Variants in HMG20A observed in about 807,000 individuals in gnomAD.
HMG20A encodes high mobility group protein 20A.
HMG20A carries 17 observed loss-of-function variants against 43.9 expected under a neutral mutation model. That is an observed-to-expected ratio of 0.39 (90% CI 0.27 to 0.58). The LOEUF (loss-of-function observed/expected upper bound fraction) is 0.58, where lower values mean the gene tolerates loss of function less well. HMG20A is among the 20% of genes least tolerant of loss of function. The pLI is 0.59. For missense variants in HMG20A, 341 were observed against 438.2 expected, an observed-to-expected ratio of 0.78 and a Z score of 1.98; for synonymous variants, 132 against 147.5, an observed-to-expected ratio of 0.89 and a Z score of 0.76.
At chr15:77,489,560 A>T (rs544118539), downstream of HMG20A, among the ~76,000 whole-genome samples, 6 of 152,250 alleles carry the variant, frequency 3.9e-5, no homozygotes, top group Non-Finnish European at 7.3e-5. Context: ...TAGTCCCCAT[A>T]GAGCTCTTCC....
At chr15:77,498,501 G>A in the HMG20A span, among the ~76,000 whole-genome samples, 1 of 152,260 alleles carries the variant, frequency 6.6e-6, no homozygotes, top group East Asian at 1.9e-4. Context: ...CACCCCAGTG[G>A]GCTGCAGTCC....
chr15:77,435,707 A>G (rs1043095603), intron 1 of HMG20A, among the ~76,000 whole-genome samples: 14 of 152,008 alleles, frequency 9.2e-5, no homozygotes, highest in African/African-American at 3.4e-4. Flanking sequence ...GTATGCTTCT[A>G]CCCCACCATT....
intron 1 of HMG20A, among the ~76,000 whole-genome samples, chr15:77,451,082 C>T (rs964484705): frequency 1.3e-5 from 2 of 152,196 alleles, no homozygotes; most frequent in African/African-American, 4.8e-5. Context: ...CCATGTCTTT[C>T]CATGGCTTCA....
At chr15:77,478,828 G>T (rs1349424429) in intron 8 of HMG20A, among the ~76,000 whole-genome samples, 1 of 152,124 alleles carries the variant, frequency 6.6e-6, no homozygotes, top group Admixed American at 6.5e-5. Context: ...TCTTATGTAT[G>T]TTTGTTTGCT....
chr15:77,465,413 T>TTTTG, intron 3 of HMG20A, among the ~76,000 whole-genome samples: 1 of 151,064 alleles, frequency 6.6e-6, no homozygotes, highest in East Asian at 1.9e-4. Context: ...TTTTTTTTTT[T>TTTTG]GAGGTGGAGT....
chr15:77,449,991 C>T (rs1432183531), intron 1 of HMG20A, among the ~76,000 whole-genome samples: 1 of 152,168 alleles, frequency 6.6e-6, no homozygotes, highest in East Asian at 1.9e-4. Context: ...TTTACTGTCT[C>T]CATACTTTTG....
chr15:77,429,715 T>C (rs916171514), intron 1 of HMG20A, among the ~76,000 whole-genome samples: 1 of 152,208 alleles, frequency 6.6e-6, no homozygotes, highest in African/African-American at 2.4e-5. Context: ...TATTCAACAA[T>C]ATAATAATGC....
At chr15:77,445,491 A>G (rs1406814561) in intron 1 of HMG20A, among the ~76,000 whole-genome samples, 1 of 152,230 alleles carries the variant, frequency 6.6e-6, no homozygotes, top group Non-Finnish European at 1.5e-5. Flanking sequence ...TCCTATACAT[A>G]TGGTACACAT....
chr15:77,471,548 C>T (rs2072808556), intron 5 of HMG20A, among the ~76,000 whole-genome samples: 1 of 152,180 alleles, frequency 6.6e-6, no homozygotes, highest in South Asian at 2.1e-4. Context: ...CCTTTTCTCC[C>T]TAAAGTTAAG....
rs191992333 is a variant in HMG20A, at chr15:77,436,801, A to G, written c.-5+15797A>G. 7.2e-4 allele frequency among the ~76,000 whole-genome samples: 109 copies of G among 152,290 alleles called. 1 individual carries two copies. Among genetic ancestry groups the G allele is most frequent in the Admixed American group, 1.7e-3 (26 of 15,296 alleles). On this transcript the variant is annotated intron_variant, in intron 1 of 9. Coordinates refer to ENST00000336216, the MANE Select transcript of HMG20A (RefSeq NM_001304504.2). ...CATCTATTCTTTACACAGAAGTCAGAATGAACTTTTAGAAAGCATAAATGT... is the reference window on the plus strand; with the variant it reads ...CATCTATTCTTTACACAGAAGTCAGGATGAACTTTTAGAAAGCATAAATGT...
the HMG20A span, among the ~76,000 whole-genome samples, chr15:77,511,581 A>G: frequency 6.6e-6 from 1 of 152,254 alleles, no homozygotes; most frequent in Non-Finnish European, 1.5e-5. Flanking sequence ...CAACAACAGA[A>G]GAAACAACCC....
chr15:77,437,815 C>A (rs1405942170), intron 1 of HMG20A, among the ~76,000 whole-genome samples: 1 of 152,174 alleles, frequency 6.6e-6, no homozygotes, highest in Non-Finnish European at 1.5e-5. Flanking sequence ...CTCAGATGAT[C>A]TCCCTGCCTC....
At chr15:77,517,782 C>T in the HMG20A span, among the ~76,000 whole-genome samples, 4 of 151,912 alleles carry the variant, frequency 2.6e-5, no homozygotes, top group African/African-American at 7.3e-5. Context: ...CCCTTCCCCT[C>T]CCACCCAGCT....
the HMG20A span, among the ~76,000 whole-genome samples, chr15:77,491,367 T>C: frequency 6.6e-6 from 1 of 152,234 alleles, no homozygotes; most frequent in Admixed American, 6.5e-5. Flanking sequence ...AACCTATTTT[T>C]CTTGGGGCCG....
chr15:77,437,707 G>T (rs373679641), intron 1 of HMG20A, among the ~76,000 whole-genome samples: 42 of 152,104 alleles, frequency 2.8e-4, no homozygotes, highest in African/African-American at 9.4e-4. Context: ...GAGTAGCTGG[G>T]ATTACAGGCA....
chr15:77,461,844 T>A (rs2072707977), intron 2 of HMG20A, among the ~76,000 whole-genome samples: 1 of 152,156 alleles, frequency 6.6e-6, no homozygotes, highest in Non-Finnish European at 1.5e-5. Context: ...AAAATGACAG[T>A]GAAAGAACAA....
intron 1 of HMG20A, among the ~76,000 whole-genome samples, chr15:77,455,786 G>A (rs956514635): frequency 3.3e-5 from 5 of 152,150 alleles, no homozygotes; most frequent in Non-Finnish European, 7.3e-5. Context: ...CATGTGAAGG[G>A]CTTTTGGCAA....
At chr15:77,498,738 A>T in the HMG20A span, among the ~76,000 whole-genome samples, 1 of 152,182 alleles carries the variant, frequency 6.6e-6, no homozygotes, top group African/African-American at 2.4e-5. Context: ...CAACAATCTC[A>T]TAGTGGAAAA....
At chr15:77,468,596 G>GACACACAC (rs2072778582) in intron 4 of HMG20A, among the ~76,000 whole-genome samples, 1 of 84,194 alleles carries the variant, frequency 1.2e-5, no homozygotes, top group Non-Finnish European at 2.8e-5. Flanking sequence ...CTCTCTCTCT[G>GACACACAC]TCACACACAC....
Sources: gnomAD v4.1 joint callset for allele counts (sites outside exome capture counted in the v4.1 genomes callset) on GRCh38, gnomAD v4.1.1 for gene constraint, MANE v1.5 for transcripts, NCBI Gene and HGNC (gene_info 2026-07-23, HGNC 2026-07-21) for gene names.